Variants in SLIT3 observed in about 807,000 individuals in gnomAD.
SLIT3 encodes slit guidance ligand 3, also known as slit homolog 3 protein.
SLIT3 carries 68 observed loss-of-function variants against 184.0 expected under a neutral mutation model. That is an observed-to-expected ratio of 0.37 (90% CI 0.30 to 0.45). The LOEUF (loss-of-function observed/expected upper bound fraction) is 0.45. SLIT3 is among the 20% of genes least tolerant of loss of function. SLIT3 has a pLI of 1.00. For missense variants in SLIT3, 1,707 were observed against 2,026.0 expected (o/e 0.84, Z 3.02); for synonymous variants, 831 against 828.6 (o/e 1.00, Z -0.05).
intron 1 of SLIT3, among the ~76,000 whole-genome samples, chr5:169,293,244 C>A (rs369946866): frequency 7.2e-5 from 11 of 152,194 alleles, no homozygotes; most frequent in African/African-American, 2.6e-4. Context: ...TAAGTCCAAT[C>A]CCCACACAAA....
At chr5:169,287,460 C>A (rs989179862) in intron 1 of SLIT3, among the ~76,000 whole-genome samples, 1 of 152,154 alleles carries the variant, frequency 6.6e-6, no homozygotes, top group African/African-American at 2.4e-5. Context: ...TCTGCATGAT[C>A]TTTGCACAGG....
chr5:169,090,580 C>T (rs935930987), intron 4 of SLIT3, among the ~76,000 whole-genome samples: 5 of 152,346 alleles, frequency 3.3e-5, no homozygotes, highest in South Asian at 2.1e-4. Context: ...AAAATGTTCA[C>T]TTCTTAATCC....
chr5:168,944,249 G>T (rs1416477125), intron 4 of SLIT3, among the ~76,000 whole-genome samples: 4 of 152,094 alleles, frequency 2.6e-5, no homozygotes, highest in Non-Finnish European at 5.9e-5. Context: ...AATACCAATG[G>T]GGCGGGGAGA....
At chr5:168,998,619 G>T (rs920050298) in intron 4 of SLIT3, among the ~76,000 whole-genome samples, 1 of 152,050 alleles carries the variant, frequency 6.6e-6, no homozygotes, top group Non-Finnish European at 1.5e-5. Context: ...CAGGAGAATC[G>T]CTTGAACCCG....
At chr5:168,889,920 G>T (rs891333534) in intron 4 of SLIT3, among the ~76,000 whole-genome samples, 32 of 152,042 alleles carry the variant, frequency 2.1e-4, no homozygotes, top group Non-Finnish European at 4.1e-4. Context: ...GAGGCGGGTG[G>T]ATCACCAATG....
intron 4 of SLIT3, among the ~76,000 whole-genome samples, chr5:169,044,216 G>A (rs368820179): frequency 1.3e-5 from 2 of 152,338 alleles, no homozygotes; most frequent in South Asian, 4.1e-4. Flanking sequence ...GGCCATTGTG[G>A]AAAACAGTTT....
At chr5:168,767,862 C>T (rs1561921669) in intron 14 of SLIT3, among the ~76,000 whole-genome samples, 1 of 152,174 alleles carries the variant, frequency 6.6e-6, no homozygotes, top group African/African-American at 2.4e-5. Flanking sequence ...AGAAGAGACA[C>T]AGTAGTTTCT....
chr5:168,862,149 G>A (rs987537119), intron 5 of SLIT3, among the ~76,000 whole-genome samples: 1 of 152,124 alleles, frequency 6.6e-6, no homozygotes, highest in African/African-American at 2.4e-5. Flanking sequence ...GGAATCTCTC[G>A]AGATATTTAA....
chr5:169,001,240 A>G (rs1489878091), intron 4 of SLIT3, among the ~76,000 whole-genome samples: 1 of 152,180 alleles, frequency 6.6e-6, no homozygotes, highest in Non-Finnish European at 1.5e-5. Flanking sequence ...GCTCATCGCC[A>G]CTGTCCGTAT....
At chr5:169,231,257 T>A (rs1198740065) in intron 3 of SLIT3, among the ~76,000 whole-genome samples, 4 of 152,142 alleles carry the variant, frequency 2.6e-5, no homozygotes, top group Non-Finnish European at 5.9e-5. Context: ...CAAATCAAAT[T>A]TGTACAGCCT....
intron 4 of SLIT3, among the ~76,000 whole-genome samples, chr5:168,908,786 AC>A (rs1270052651): frequency 6.6e-6 from 1 of 152,244 alleles, no homozygotes; most frequent in Non-Finnish European, 1.5e-5. Context: ...AACCTTTATT[AC>A]CCTATACCAT....
At chr5:169,288,281 G>C (rs1352366705) in intron 1 of SLIT3, among the ~76,000 whole-genome samples, 1 of 152,134 alleles carries the variant, frequency 6.6e-6, no homozygotes, top group Non-Finnish European at 1.5e-5. Context: ...TGTGCTGTTT[G>C]CCAGCTAGCT....
chr5:168,768,637 A>G (rs1755432133), intron 14 of SLIT3, among the ~76,000 whole-genome samples: 1 of 152,238 alleles, frequency 6.6e-6, no homozygotes, highest in Admixed American at 6.5e-5. Context: ...CATCTTCTGC[A>G]TGCTTTGCAA....
intron 34 of SLIT3, 89 bp downstream of exon 34, chr5:168,671,109 C>T (rs1217550336): frequency 1.4e-6 from 2 of 1,424,580 alleles, no homozygotes; most frequent in Non-Finnish European, 1.9e-6. Context: ...ACTCCTCCAG[C>T]CTCCAGTAGT....
At chr5:168,911,055 A>C (rs1226647583) in intron 4 of SLIT3, among the ~76,000 whole-genome samples, 3 of 152,164 alleles carry the variant, frequency 2.0e-5, no homozygotes, top group African/African-American at 7.2e-5. Context: ...CTACGTTTAA[A>C]ATCAAGCAGC....
At chr5:168,673,559 G>A (rs1186838270) in intron 32 of SLIT3, among the ~76,000 whole-genome samples, 1 of 152,164 alleles carries the variant, frequency 6.6e-6, no homozygotes, top group African/African-American at 2.4e-5. Flanking sequence ...TGCATTTTAT[G>A]TATACACACA....
chr5:168,993,831 G>A lies in SLIT3; in HGVS notation c.414-110495C>T, dbSNP rs143505734. 5.9e-5 allele frequency among the ~76,000 whole-genome samples: 9 copies of A among 152,328 alleles called. No individual in the cohort carries two copies. In the East Asian group the frequency reaches 1.4e-3, roughly 23 times the overall value. On this transcript the variant is annotated intron_variant, in intron 4 of 35. Coordinates refer to ENST00000519560, the MANE Select transcript of SLIT3 (RefSeq NM_003062.4). Reference sequence around the variant, plus strand: ...AGAGCCACGTGATCAAAATCATCCCGCTTTTTCCCCATTCTGGGGAAAGCC... The same window carrying A: ...AGAGCCACGTGATCAAAATCATCCCACTTTTTCCCCATTCTGGGGAAAGCC...
intron 4 of SLIT3, chr5:168,993,137 C>T (rs942426019): frequency 1.3e-5 from 2 of 152,208 alleles, no homozygotes; most frequent in African/African-American, 2.4e-5. Context: ...TCAGGTCTGA[C>T]ATTTAGAGGT....
chr5:169,137,425 C>T (rs1761560534), intron 4 of SLIT3, among the ~76,000 whole-genome samples: 1 of 151,958 alleles, frequency 6.6e-6, no homozygotes, highest in Non-Finnish European at 1.5e-5. Context: ...GAGGAGGCCT[C>T]AGGGGGCTGG....
Sources: allele counts gnomAD v4.1 joint callset (sites outside exome capture counted in the v4.1 genomes callset), GRCh38; gene constraint gnomAD v4.1.1; transcripts MANE v1.5; gene names NCBI Gene and HGNC (gene_info 2026-07-23, HGNC 2026-07-21).